CDH13: variants seen among roughly 807,000 people sequenced by gnomAD.
CDH13 encodes the protein cadherin-13.
A neutral mutation model predicts 63.8 loss-of-function variants in CDH13; 24 were observed. That is an observed-to-expected ratio of 0.38 (90% CI 0.27 to 0.53). The LOEUF is 0.53. Among genes scored for constraint, CDH13 ranks in the 20% least tolerant of loss-of-function variants. The pLI is 0.85. For missense variants in CDH13, 1,049 were observed against 903.1 expected (o/e 1.16, Z -2.07); for synonymous variants, 503 against 355.3 (o/e 1.42, Z -4.67).
At position 83,302,200 on chromosome 16, in the gene CDH13, C is replaced by G. The variant is rs551199737; in HGVS notation, c.637-42662C>G. 1.9e-3 allele frequency among the ~76,000 whole-genome samples: 293 copies of G among 152,296 alleles called. 1 individual carries two copies. Among genetic ancestry groups the G allele is most frequent in the Middle Eastern group, 6.8e-3 (2 of 294 alleles). On this transcript the variant is annotated intron_variant, in intron 5 of 13. Transcript: ENST00000567109. ...CCTCATGACATCATAGAAAATGTGC[C>G]TAACCTAAAGTCAGAATCCCTAATT...
intron 11 of CDH13, among the ~76,000 whole-genome samples, chr16:83,754,669 C>T (rs537579156): frequency 5.4e-4 from 82 of 152,284 alleles, no homozygotes; most frequent in Non-Finnish European, 1.5e-4. Context: ...TCCACTTTTG[C>T]GTCTTCCTCA....
rs540921254 is a variant in CDH13, at chr16:83,681,751, C to T, written c.1538+3290C>T. On this transcript the variant is annotated intron_variant, in intron 10 of 13. Coordinates refer to ENST00000567109, the MANE Select transcript of CDH13 (RefSeq NM_001257.5). ...ATCCTGCACACTGAGAAGTGCTCTC[C>T]CTTGGGGCCTGTGTGTGCAGAGGAG... Among the ~76,000 whole-genome samples the T allele has an allele frequency of 5.3e-5, 8 of 152,276 alleles. No homozygotes were observed. In the South Asian group the frequency reaches 1.0e-3, roughly 20 times the overall value.
At chr16:83,103,039 G>T (rs1333026829) in intron 3 of CDH13, among the ~76,000 whole-genome samples, 1 of 130,168 alleles carries the variant, frequency 7.7e-6, no homozygotes, top group Non-Finnish European at 1.5e-5. Context: ...TGCAGCCTCT[G>T]CCTCCCTGGT....
intron 6 of CDH13, among the ~76,000 whole-genome samples, chr16:83,348,265 C>A (rs1334896410): frequency 6.6e-6 from 1 of 152,174 alleles, no homozygotes; most frequent in Non-Finnish European, 1.5e-5. Flanking sequence ...ACCACAGACT[C>A]TTTGCAGGCC....
chr16:83,723,352 T>C (rs982075669), intron 10 of CDH13, among the ~76,000 whole-genome samples: 1 of 152,224 alleles, frequency 6.6e-6, no homozygotes. Flanking sequence ...GTCCCACAGA[T>C]ACTAAAGGGC....
intron 11 of CDH13, among the ~76,000 whole-genome samples, chr16:83,778,031 A>G (rs1396485732): frequency 6.6e-6 from 1 of 152,218 alleles, no homozygotes; most frequent in Non-Finnish European, 1.5e-5. Flanking sequence ...AGGTGCTTCA[A>G]ATTATTTTGG....
chr16:82,894,260 G>A (rs2041174910), intron 2 of CDH13, among the ~76,000 whole-genome samples: 1 of 152,146 alleles, frequency 6.6e-6, no homozygotes, highest in Non-Finnish European at 1.5e-5. Flanking sequence ...CAGCTCCAGG[G>A]CAGGATTAAA....
chr16:83,683,891 C>A (rs1344149652), intron 10 of CDH13, among the ~76,000 whole-genome samples: 1 of 152,220 alleles, frequency 6.6e-6, no homozygotes, highest in East Asian at 1.9e-4. Flanking sequence ...TCTCCAAGAT[C>A]ATGTACATCA....
intron 2 of CDH13, among the ~76,000 whole-genome samples, chr16:83,030,324 C>G (rs1349995112): frequency 6.6e-6 from 1 of 152,016 alleles, no homozygotes; most frequent in Non-Finnish European, 1.5e-5. Context: ...CCCAGATCTG[C>G]CAAATTATAA....
intron 2 of CDH13, among the ~76,000 whole-genome samples, chr16:82,961,939 C>T (rs1378074093): frequency 3.3e-5 from 5 of 152,114 alleles, no homozygotes; most frequent in African/African-American, 1.2e-4. Context: ...CCCCAAACAT[C>T]GATAGTGCCA....
chr16:83,321,736 G>C (rs1407979406), intron 5 of CDH13, among the ~76,000 whole-genome samples: 1 of 151,984 alleles, frequency 6.6e-6, no homozygotes, highest in Non-Finnish European at 1.5e-5. Flanking sequence ...CATCGTGTTA[G>C]CCAGGATGGT....
At chr16:82,941,248 G>A (rs1446000147) in intron 2 of CDH13, among the ~76,000 whole-genome samples, 1 of 152,182 alleles carries the variant, frequency 6.6e-6, no homozygotes, top group Admixed American at 6.5e-5. Context: ...AAGAATTTTA[G>A]GTTTTAGTTG....
chr16:83,125,517 A>G lies in CDH13; in HGVS notation c.483+16A>G, dbSNP rs2151644571. On this transcript the variant is annotated intron_variant, in intron 4 of 13. Transcript: ENST00000567109. Reference sequence around the variant, plus strand: ...TGTTGGCAAGGTAAGTCAGACAAACAGCAAATGACAAAAACATGTTTTTAT... The same window carrying G: ...TGTTGGCAAGGTAAGTCAGACAAACGGCAAATGACAAAAACATGTTTTTAT... The G allele has an allele frequency of 7.6e-7, 1 of 1,316,276 alleles. No homozygotes were observed. Among genetic ancestry groups the G allele is most frequent in the Non-Finnish European group, 1.1e-6 (1 of 909,642 alleles). 81.5% of individuals were successfully genotyped at this position (1,316,276 alleles called of 1,614,324 possible). A position where few individuals can be genotyped will look rare whatever the true frequency, so the allele number is the denominator to read the frequency against.
intron 7 of CDH13, among the ~76,000 whole-genome samples, chr16:83,555,453 G>A (rs1469135135): frequency 2.0e-5 from 3 of 152,330 alleles, no homozygotes; most frequent in Admixed American, 2.0e-4. Flanking sequence ...TGTCTTAAAA[G>A]ACATCTTTTT....
chr16:82,643,367 A>G (rs942822215), intron 1 of CDH13, among the ~76,000 whole-genome samples: 5 of 152,166 alleles, frequency 3.3e-5, no homozygotes, highest in African/African-American at 1.2e-4. Context: ...TTATATTAAC[A>G]CTGCGACTCC....
chr16:83,098,631 T>A (rs1436477453), intron 3 of CDH13, among the ~76,000 whole-genome samples: 2 of 152,204 alleles, frequency 1.3e-5, no homozygotes, highest in Non-Finnish European at 2.9e-5. Flanking sequence ...GATACAGAAT[T>A]CTGAGTTGAC....
At chr16:83,657,458 G>C (rs1425643395) in intron 8 of CDH13, among the ~76,000 whole-genome samples, 10 of 152,136 alleles carry the variant, frequency 6.6e-5, no homozygotes, top group Admixed American at 6.5e-4. Flanking sequence ...GTTCCTCTTT[G>C]ACCCCCAGAG....
intron 1 of CDH13, among the ~76,000 whole-genome samples, chr16:82,814,588 C>T (rs1438909639): frequency 1.3e-5 from 2 of 152,146 alleles, no homozygotes; most frequent in African/African-American, 2.4e-5. Context: ...GGAAGCTCTG[C>T]ATACCTTTCC....
intron 2 of CDH13, among the ~76,000 whole-genome samples, chr16:82,949,473 G>A (rs902310336): frequency 4.6e-5 from 7 of 152,176 alleles, no homozygotes; most frequent in Non-Finnish European, 1.0e-4. Context: ...CCAGGGGTTA[G>A]GAGTTGGACG....
Sources: allele counts gnomAD v4.1 joint callset (sites outside exome capture counted in the v4.1 genomes callset), GRCh38; gene constraint gnomAD v4.1.1; transcripts MANE v1.5; gene names NCBI Gene and HGNC (gene_info 2026-07-23, HGNC 2026-07-21).